PHF8: variants seen among roughly 807,000 people sequenced by gnomAD.
The protein encoded by PHF8 is PHD finger protein 8, also known as histone lysine demethylase PHF8.
PHF8 carries 9 observed loss-of-function variants against 74.4 expected under a neutral mutation model. The observed-to-expected ratio is 0.12, with a 90% CI of 0.07 to 0.21. The LOEUF (loss-of-function observed/expected upper bound fraction) is 0.21. Among genes scored for constraint, PHF8 ranks in the 10% least tolerant of loss-of-function variants. PHF8 has a pLI of 1.00. For synonymous variants in PHF8, 311 were observed against 316.6 expected, an observed-to-expected ratio of 0.98 and a Z score of 0.19; for missense variants, 478 against 816.6, an observed-to-expected ratio of 0.59 and a Z score of 5.05.
At chrX:54,033,916 C>G (rs1394144152) in intron 2 of PHF8, among the ~76,000 whole-genome samples, 1 of 109,081 alleles carries the variant, frequency 9.2e-6, no homozygotes, top group Non-Finnish European at 1.9e-5. Flanking sequence ...GAGCTAGACT[C>G]TTGTCTCAAA....
At chrX:53,958,231 G>A (rs1478076497) in intron 19 of PHF8, among the ~76,000 whole-genome samples, 2 of 107,441 alleles carry the variant, frequency 1.9e-5, no homozygotes, top group Non-Finnish European at 3.8e-5. Context: ...TAGTAGAGAC[G>A]GGGTTTCATC....
In PHF8 at chrX:53,985,040, G is replaced by T. The variant is rs782160964; in HGVS notation, c.2317C>A (p.Arg773Ser). 8.3e-7 allele frequency: 1 copy of T among 1,209,787 alleles called. No homozygotes were observed. Among genetic ancestry groups the T allele is most frequent in the East Asian group, 3.0e-5 (1 of 33,832 alleles). ...TTGATGGGCCGCTTCCCTGGGGTGC[G>T]CTGGGAAGCAGGACTGTTAGACACT... ...GTVSNSPASQ[R>S]TPGKRPIKRP... Residue 773 changes from arginine to serine, a missense_variant, in exon 18 of 22, where the codon CGC (arginine) becomes AGC (serine). This residue lies in a region of PHF8 where 51 missense variants were observed against 45.8 expected (regional missense o/e 1.11). Coordinates refer to ENST00000338154, the MANE Select transcript of PHF8 (RefSeq NM_015107.3).
intron 2 of PHF8, among the ~76,000 whole-genome samples, chrX:54,029,903 T>C (rs782180686): frequency 2.3e-4 from 26 of 111,011 alleles, no homozygotes; most frequent in Middle Eastern, 9.2e-3. Context: ...ACATTAAACC[T>C]CAGGCATGGG....
At chrX:54,038,268 G>C (rs1267672420) in intron 2 of PHF8, among the ~76,000 whole-genome samples, 2 of 112,001 alleles carry the variant, frequency 1.8e-5, no homozygotes, top group East Asian at 2.8e-4. Flanking sequence ...TCCTGTGTTA[G>C]CTCACTTAGG....
At chrX:53,958,876 T>G (rs1479592382) in intron 19 of PHF8, among the ~76,000 whole-genome samples, 15 of 109,258 alleles carry the variant, frequency 1.4e-4, no homozygotes, top group African/African-American at 5.0e-4. Context: ...CTTTTCATTG[T>G]ATAACCTCAC....
chrX:54,021,461 T>A (rs1016545018), intron 4 of PHF8, among the ~76,000 whole-genome samples: 92 of 71,371 alleles, frequency 1.3e-3, no homozygotes, highest in Non-Finnish European at 2.2e-3. Context: ...ATTATTTTTT[T>A]TTTTTTTTTT....
At chrX:54,032,505 GTTCCC>G (rs1557112844) in intron 2 of PHF8, among the ~76,000 whole-genome samples, 2 of 110,280 alleles carry the variant, frequency 1.8e-5, no homozygotes, top group African/African-American at 3.3e-5. Flanking sequence ...TACCAGCATG[GTTCCC>G]TTCCTCGCTT....
intron 2 of PHF8, among the ~76,000 whole-genome samples, chrX:54,032,152 A>G (rs1043444289): frequency 1.8e-5 from 2 of 111,299 alleles, no homozygotes; most frequent in Admixed American, 1.9e-4. Context: ...AAGTCCTTAC[A>G]CCCTATACCC....
rs781971124 is a variant in PHF8, at chrX:54,011,358, G to A, written c.784-74C>T. ...AAAGTCCTTAACGGGTACTCCAAAG[G>A]GGTATTTCTCCCATGCTCCAAAACG... On this transcript the variant is annotated intron_variant, in intron 7 of 21. Transcript: ENST00000338154. 3.6e-5 allele frequency: 30 copies of A among 842,709 alleles called. 1 individual carries two copies. Among genetic ancestry groups the A allele is most frequent in the Non-Finnish European group, 5.1e-5 (29 of 567,733 alleles). The allele number at this position is 842,709 out of a possible 1,213,427, so 69.4% of individuals were successfully genotyped here.
chrX:53,948,373 A>G (rs782097879), intron 19 of PHF8, among the ~76,000 whole-genome samples: 1 of 111,345 alleles, frequency 9.0e-6, no homozygotes, highest in South Asian at 3.8e-4. Context: ...CCTGGGTTCA[A>G]GTGATTCTTC....
chrX:54,025,550 G>A (rs959761493), intron 2 of PHF8, among the ~76,000 whole-genome samples: 2 of 111,156 alleles, frequency 1.8e-5, no homozygotes, highest in East Asian at 5.7e-4. Flanking sequence ...TCCCCATCCC[G>A]AGTCCTGACA....
chrX:53,974,716 T>C (rs2065346958), intron 18 of PHF8, among the ~76,000 whole-genome samples: 1 of 112,440 alleles, frequency 8.9e-6, no homozygotes, highest in Admixed American at 9.5e-5. Context: ...CAGCATGGAA[T>C]ACTATGCAGT....
At chrX:54,032,549 T>C (rs1557112861) in intron 2 of PHF8, among the ~76,000 whole-genome samples, 1 of 110,835 alleles carries the variant, frequency 9.0e-6, no homozygotes. Flanking sequence ...AACCCATCTG[T>C]AATCATCCTG....
At chrX:53,949,664 T>C (rs2064888716) in intron 19 of PHF8, among the ~76,000 whole-genome samples, 1 of 107,851 alleles carries the variant, frequency 9.3e-6, no homozygotes, top group Non-Finnish European at 1.9e-5. Context: ...TACAAAAAAT[T>C]AGCCGGGCGT....
At chrX:54,019,909 G>A (rs1337823512) in intron 4 of PHF8, among the ~76,000 whole-genome samples, 1 of 110,547 alleles carries the variant, frequency 9.0e-6, no homozygotes, top group African/African-American at 3.3e-5. Flanking sequence ...TGGTGGCTGG[G>A]CACGGTGGCT....
At chrX:54,006,890 A>G (rs782109074) in intron 8 of PHF8, among the ~76,000 whole-genome samples, 2 of 104,565 alleles carry the variant, frequency 1.9e-5, no homozygotes, top group Admixed American at 2.1e-4. Flanking sequence ...GTGAGCTGAG[A>G]CCGCAACCAT....
chrX:53,992,605 T>G, intron 14 of PHF8, 131 bp downstream of exon 14: 1 of 502,207 alleles, frequency 2.0e-6, no homozygotes. Context: ...CATTATAATA[T>G]CTAGGTATTG....
chrX:53,980,352 G>A (rs180744906), intron 18 of PHF8, among the ~76,000 whole-genome samples: 130 of 110,951 alleles, frequency 1.2e-3, no homozygotes, highest in Non-Finnish European at 1.7e-3. Context: ...CTTATAAGAG[G>A]TGGTGATTAG....
chrX:53,976,579 G>A (rs1557096152), intron 18 of PHF8, among the ~76,000 whole-genome samples: 1 of 108,777 alleles, frequency 9.2e-6, no homozygotes, highest in African/African-American at 3.4e-5. Flanking sequence ...ATCACTTGAG[G>A]TCAGGAGTTT....
Sources: gnomAD v4.1 joint callset for allele counts (sites outside exome capture counted in the v4.1 genomes callset) on GRCh38, gnomAD v4.1.1 for gene constraint, gnomAD v4.1.1 regional missense constraint, MANE v1.5 for transcripts, NCBI Gene and HGNC (gene_info 2026-07-23, HGNC 2026-07-21) for gene names.